The following TRAF1 variants were observed in gnomAD, a reference collection of about 807,000 sequenced individuals.
TRAF1 encodes TNF receptor-associated factor 1.
In TRAF1, 23 loss-of-function variants were observed where a neutral mutation model predicts 40.9. That is an observed-to-expected ratio of 0.56 (90% CI 0.40 to 0.80). The LOEUF is 0.80. Among genes scored for constraint, TRAF1 ranks in the 30% least tolerant of loss-of-function variants. The pLI is 0.00. For missense variants in TRAF1, 477 were observed against 528.7 expected (o/e 0.90, Z 0.96); for synonymous variants, 206 against 218.8 (o/e 0.94, Z 0.52).
intron 3 of TRAF1, among the ~76,000 whole-genome samples, chr9:120,917,299 T>C (rs890131388): frequency 1.3e-5 from 2 of 151,960 alleles, no homozygotes; most frequent in Admixed American, 1.3e-4. Flanking sequence ...TGCACGGGAG[T>C]TCAGGATGTG....
intron 7 of TRAF1, among the ~76,000 whole-genome samples, chr9:120,906,811 C>G (rs2046486431): frequency 6.6e-6 from 1 of 152,206 alleles, no homozygotes; most frequent in South Asian, 2.1e-4. Context: ...CTATTCATCT[C>G]TCCCGGCACC....
Position 120,902,517 on chromosome 9 carries a change from G to C in TRAF1, c.*2503C>G, listed in dbSNP as rs79683243. 1.4e-5 allele frequency: 2 copies of C among 144,738 alleles called. No homozygotes were observed. The highest frequency in any genetic ancestry group is 3.1e-5 in the Non-Finnish European group (2 of 65,214). 9.0% of individuals were successfully genotyped at this position (144,738 alleles called of 1,614,324 possible). ...CTGTGGGCAGGGCGGGGGGTGGGGGGGGGGGCGGTGGGCACTGCTGCATCT... is the reference window on the plus strand; with the variant it reads ...CTGTGGGCAGGGCGGGGGGTGGGGGCGGGGGCGGTGGGCACTGCTGCATCT... On this transcript the variant is annotated 3_prime_UTR_variant, in exon 8 of 8. Coordinates refer to ENST00000373887, the MANE Select transcript of TRAF1 (RefSeq NM_005658.5).
rs2046465357 is a variant in TRAF1, at chr9:120,904,672, C to T, written c.*348G>A. On this transcript the variant is annotated 3_prime_UTR_variant, in exon 8 of 8. Coordinates refer to ENST00000373887, the MANE Select transcript of TRAF1 (RefSeq NM_005658.5). ...TCTTCCTAGCCCGAGAGCTTCTCTG[C>T]TTGGGTCCTACGGTTCCAAGCCTGG... The T allele has an allele frequency of 3.4e-6, 1 of 292,358 alleles. No homozygotes were observed. Among genetic ancestry groups the T allele is most frequent in the Non-Finnish European group, 6.6e-6 (1 of 151,658 alleles). The allele number at this position is 292,358 out of a possible 1,614,324, so 18.1% of individuals were successfully genotyped here.
At chr9:120,905,941 G>C (rs928846489) in intron 7 of TRAF1, among the ~76,000 whole-genome samples, 5 of 152,116 alleles carry the variant, frequency 3.3e-5, no homozygotes, top group African/African-American at 1.2e-4. Flanking sequence ...TATCACTTAC[G>C]GGGGTGAGAT....
At chr9:120,912,855 C>T (rs6478488) in intron 5 of TRAF1, among the ~76,000 whole-genome samples, 19,038 of 152,018 alleles carry the variant, frequency 0.13, 2,981 homozygotes, top group African/African-American at 0.37. Context: ...CTGAGGAAGA[C>T]GTGAAGGCGC....
Position 120,911,479 on chromosome 9 carries a change from T to C in TRAF1, c.740A>G (p.Asp247Gly). ...VELQQTLAQK[D>G]QALGKLEQSL... ...CTGCTCCAGCTTGCCCAGGGCCTGGTCTTTCTGGGCCAGGGTCTGCTGAAG... is the reference window on the plus strand; with the variant it reads ...CTGCTCCAGCTTGCCCAGGGCCTGGCCTTTCTGGGCCAGGGTCTGCTGAAG... Residue 247 changes from aspartate to glycine, a missense_variant, in exon 6 of 8, where the codon GAC (aspartate) becomes GGC (glycine). Physicochemically the swap from Asp to Gly is moderately conservative, Grantham distance 94 (BLOSUM62 -1). Transcript: ENST00000373887. 2 of 1,613,110 alleles carry C rather than the reference T, an allele frequency of 1.2e-6. No homozygotes were observed. The highest frequency in any genetic ancestry group is 1.7e-6 in the Non-Finnish European group (2 of 1,179,886).
chr9:120,916,588 AT>A (rs2046570994), intron 3 of TRAF1, among the ~76,000 whole-genome samples: 1 of 152,186 alleles, frequency 6.6e-6, no homozygotes. Flanking sequence ...CACACTAGTT[AT>A]TATTCTTTAA....
intron 7 of TRAF1, among the ~76,000 whole-genome samples, chr9:120,908,909 C>T (rs2046503896): frequency 2.6e-5 from 4 of 152,088 alleles, no homozygotes; most frequent in African/African-American, 2.4e-5. Context: ...GTTGCCCAGG[C>T]TGTCTCAAAC....
intron 6 of TRAF1, 143 bp from the exon 7 acceptor site, chr9:120,909,521 G>A: frequency 2.1e-6 from 2 of 968,628 alleles, no homozygotes; most frequent in South Asian, 1.6e-5. Context: ...CTCGAGTAGG[G>A]TGTCAGACAG....
rs759387426 is a variant in TRAF1, at chr9:120,909,368, A to G, written c.894T>C (p.Thr298=). 6.2e-7 allele frequency: 1 copy of G among 1,614,002 alleles called. No individual in the cohort carries two copies. Among genetic ancestry groups the G allele is most frequent in the Non-Finnish European group, 8.5e-7 (1 of 1,180,020 alleles). ...GGCACAACTTGTAGCCATACTTGGC[A>G]GTGTAGAAGGCTGAAACGCAGAAGC... ...TVSLFSPAFY[T]AKYGYKLCLR... The change falls in exon 7 of 8, where the codon ACT becomes ACC. Residue 298 remains threonine, a synonymous_variant. Coordinates refer to ENST00000373887, the MANE Select transcript of TRAF1 (RefSeq NM_005658.5).
Position 120,909,251 on chromosome 9 carries a change from C to T in TRAF1, c.1011G>A (p.Leu337=), listed in dbSNP as rs762688850. The T allele has an allele frequency of 8.1e-6, 13 of 1,613,976 alleles. No homozygotes were observed. In the East Asian group the frequency reaches 2.2e-4, roughly 28 times the overall value. Residue 337 remains leucine, a synonymous_variant, in exon 7 of 8, where the codon CTG becomes CTA. Transcript: ENST00000373887. ...ATACCTTGTTCCGGAAGGGCCACGG[C>T]AGCAGCGCATCATACTCCCCTCTCA... ...VIMRGEYDAL[L]PWPFRNKVTF... is the part of the protein sequence containing the mutation.
At chr9:120,914,391 G>C in intron 3 of TRAF1, 91 bp from the exon 4 acceptor site, 1 of 1,292,966 alleles carries the variant, frequency 7.7e-7, no homozygotes, top group Non-Finnish European at 9.9e-7. Flanking sequence ...ACCAGGGCAG[G>C]AGATGGCTTG....
chr9:120,919,613 A>G lies in TRAF1; in HGVS notation c.228+4092T>C, dbSNP rs571805482. The stretch of plus-strand genomic sequence containing the variant: ...AGCTGGTGCTGAGGGGGTGCTCTAC[A>G]GTCACATGGGGAGCTTGGTCAGTCT... On this transcript the variant is annotated intron_variant, in intron 3 of 7. Coordinates refer to ENST00000373887, the MANE Select transcript of TRAF1 (RefSeq NM_005658.5). Among the ~76,000 whole-genome samples, 281 of 152,300 alleles carry G rather than the reference A, an allele frequency of 1.8e-3. 1 individual carries two copies. Among genetic ancestry groups the G allele is most frequent in the African/African-American group, 6.5e-3 (271 of 41,574 alleles).
In TRAF1 at chr9:120,912,141, A is replaced by G. The variant is rs567887215; in HGVS notation, c.706-628T>C. Reference sequence around the variant, plus strand: ...AGTGAGCATCCTTAAAGAAAATTTAATCGTTAATTTTACTGATGGGGAAGG... The same window carrying G: ...AGTGAGCATCCTTAAAGAAAATTTAGTCGTTAATTTTACTGATGGGGAAGG... On this transcript the variant is annotated intron_variant, in intron 5 of 7. Transcript: ENST00000373887. Among the ~76,000 whole-genome samples, 11 of 152,310 alleles carry G rather than the reference A, an allele frequency of 7.2e-5. No individual in the cohort carries two copies. The South Asian group carries it at 2.1e-3, about 29-fold the overall frequency.
intron 3 of TRAF1, among the ~76,000 whole-genome samples, chr9:120,918,137 A>G (rs1249511200): frequency 1.3e-5 from 2 of 152,172 alleles, no homozygotes; most frequent in Admixed American, 6.6e-5. Flanking sequence ...TCTGGCCTCC[A>G]GAACTGCGAG....
chr9:120,910,277 T>C (rs2046516356), intron 6 of TRAF1, among the ~76,000 whole-genome samples: 1 of 152,100 alleles, frequency 6.6e-6, no homozygotes, highest in South Asian at 2.1e-4. Flanking sequence ...GGGAAAAAGG[T>C]CTACAAGTAG....
Position 120,911,487 on chromosome 9 carries a change from G to A in TRAF1, c.732C>T (p.Ala244=), listed in dbSNP as rs1376873659. Reference sequence around the variant, plus strand: ...GCTTGCCCAGGGCCTGGTCTTTCTGGGCCAGGGTCTGCTGAAGCTCCACCA... The same window carrying A: ...GCTTGCCCAGGGCCTGGTCTTTCTGAGCCAGGGTCTGCTGAAGCTCCACCA... The part of the protein sequence containing the change: ...QRVVELQQTL[A]QKDQALGKLE... The change falls in exon 6 of 8, where the codon GCC becomes GCT. Residue 244 remains alanine (A), a synonymous_variant. Coordinates refer to ENST00000373887, the MANE Select transcript of TRAF1 (RefSeq NM_005658.5). 1 of 1,612,574 alleles carries A rather than the reference G, an allele frequency of 6.2e-7. No individual in the cohort carries two copies. Among genetic ancestry groups the A allele is most frequent in the African/African-American group, 1.3e-5 (1 of 74,936 alleles).
upstream of TRAF1, chr9:120,928,063 C>T (rs1029285174): frequency 3.3e-5 from 5 of 152,134 alleles, no homozygotes; most frequent in Non-Finnish European, 7.4e-5. Flanking sequence ...TTTTGGGTAC[C>T]GTCTTACGTA....
At chr9:120,924,956 A>T (rs2046629160) in intron 2 of TRAF1, among the ~76,000 whole-genome samples, 1 of 152,184 alleles carries the variant, frequency 6.6e-6, no homozygotes, top group Admixed American at 6.5e-5. Context: ...AAACCAGGAG[A>T]CCCACTACCA....
Sources: allele counts gnomAD v4.1 joint callset (sites outside exome capture counted in the v4.1 genomes callset), GRCh38; gene constraint gnomAD v4.1.1; transcripts MANE v1.5; gene names NCBI Gene and HGNC (gene_info 2026-07-23, HGNC 2026-07-21).